Variants in DCT observed in about 807,000 individuals in gnomAD.
The protein encoded by DCT is dopachrome tautomerase.
In DCT, 47 loss-of-function variants were observed where a neutral mutation model predicts 53.0. The observed-to-expected ratio is 0.89, with a 90% CI of 0.70 to 1.13. The LOEUF is 1.13. Ranked by LOEUF, DCT falls within the 50% of genes most tolerant of loss-of-function variation. The pLI is 0.00. For synonymous variants in DCT, 244 were observed against 237.0 expected, an observed-to-expected ratio of 1.03 and a Z score of -0.27; for missense variants, 669 against 637.4, an observed-to-expected ratio of 1.05 and a Z score of -0.53.
At chr13:94,514,330 A>G in the DCT span, among the ~76,000 whole-genome samples, 5 of 152,192 alleles carry the variant, frequency 3.3e-5, no homozygotes, top group African/African-American at 1.2e-4. Context: ...GTGGGCATCA[A>G]TGGGGTTCAC....
chr13:94,492,732 T>G, the DCT span, among the ~76,000 whole-genome samples: 1 of 152,166 alleles, frequency 6.6e-6, no homozygotes, highest in African/African-American at 2.4e-5. Context: ...AACACAAAGA[T>G]GTACAGAAAA....
In DCT at chr13:94,438,897, G is replaced by A. The variant is rs1424243318; in HGVS notation, c.*1001C>T. The A allele has an allele frequency of 4.1e-6, 1 of 241,696 alleles. No homozygotes were observed. The highest frequency in any genetic ancestry group is 2.3e-5 in the African/African-American group (1 of 43,152). The allele number at this position is 241,696 out of a possible 1,614,324, so 15.0% of individuals were successfully genotyped here. A position where few individuals can be genotyped will look rare whatever the true frequency, so the allele number is the denominator to read the frequency against. ...ATCTAACATCAATGCTTAAAAATAA[G>A]CCCAGTGCATTATGTGGGAATAATT... On this transcript the variant is annotated 3_prime_UTR_variant, in exon 8 of 8. Transcript: ENST00000377028.
chr13:94,483,432 G>A (rs1435398593), upstream of DCT, among the ~76,000 whole-genome samples: 1 of 133,766 alleles, frequency 7.5e-6, no homozygotes, highest in African/African-American at 2.7e-5. Flanking sequence ...ATTTCCCACA[G>A]GCGTTTCTCC....
At chr13:94,442,306 TGTTTTTTTGG>T (rs1566795939) in intron 7 of DCT, among the ~76,000 whole-genome samples, 1 of 152,198 alleles carries the variant, frequency 6.6e-6, no homozygotes, top group Non-Finnish European at 1.5e-5. Flanking sequence ...GTTTTGTTTT[TGTTTTTTTGG>T]GTTTTTTTGA....
intron 4 of DCT, among the ~76,000 whole-genome samples, chr13:94,464,522 C>A (rs1884030571): frequency 6.6e-6 from 1 of 152,020 alleles, no homozygotes; most frequent in Admixed American, 6.6e-5. Context: ...TGCCTGTAAT[C>A]CCGGCTACTC....
intron 6 of DCT, among the ~76,000 whole-genome samples, chr13:94,447,142 G>A: frequency 6.6e-6 from 1 of 152,166 alleles, no homozygotes; most frequent in South Asian, 2.1e-4. Context: ...TTGAACCCAG[G>A]AAGTCTGGTT....
At chr13:94,516,519 A>AT in the DCT span, among the ~76,000 whole-genome samples, 2 of 152,162 alleles carry the variant, frequency 1.3e-5, no homozygotes, top group African/African-American at 4.8e-5. Flanking sequence ...TATGGTTTGG[A>AT]TATTTGTCCC....
In DCT at chr13:94,455,020, C is replaced by T. The variant is rs574821005; in HGVS notation, c.1179+5071G>A. On this transcript the variant is annotated intron_variant, in intron 6 of 7. Transcript: ENST00000377028. ...TTAAATGTCTTATATCTCTGAACCACGGGATTTCTCACCCATCAAGTCACA... is the reference window on the plus strand; with the variant it reads ...TTAAATGTCTTATATCTCTGAACCATGGGATTTCTCACCCATCAAGTCACA... Among the ~76,000 whole-genome samples the T allele has an allele frequency of 1.2e-4, 18 of 152,248 alleles. No homozygotes were observed. The South Asian group carries it at 1.9e-3, about 16-fold the overall frequency.
the DCT span, among the ~76,000 whole-genome samples, chr13:94,488,623 G>C: frequency 6.6e-6 from 1 of 151,876 alleles, no homozygotes; most frequent in African/African-American, 2.4e-5. Context: ...GCTGAGATGG[G>C]AGAATAGCTT....
chr13:94,475,834 A>G (rs1156757097), intron 1 of DCT, among the ~76,000 whole-genome samples: 2 of 152,268 alleles, frequency 1.3e-5, no homozygotes, highest in Non-Finnish European at 2.9e-5. Flanking sequence ...TGTTCTGTGT[A>G]ACAATTATGC....
At chr13:94,547,761 G>A in the DCT span, among the ~76,000 whole-genome samples, 1 of 151,506 alleles carries the variant, frequency 6.6e-6, no homozygotes, top group East Asian at 2.0e-4. Context: ...AGGCCAAGGC[G>A]GGTGGATTAC....
At chr13:94,490,912 A>T in the DCT span, among the ~76,000 whole-genome samples, 30 of 152,308 alleles carry the variant, frequency 2.0e-4, 1 homozygote, top group East Asian at 5.8e-3. Flanking sequence ...TGAATTCAGG[A>T]AAGTTACCTA....
At position 94,443,633 on chromosome 13, in the gene DCT, AG is replaced by A; in HGVS notation, c.1183del (p.Leu395PhefsTer13). The A allele has an allele frequency of 6.2e-7, 1 of 1,613,116 alleles. No homozygotes were observed. On this transcript the variant is annotated frameshift_variant, in exon 7 of 8. Coordinates refer to ENST00000377028, the MANE Select transcript of DCT (RefSeq NM_001922.5). LOFTEE classifies it high-confidence loss of function. ...AAAGATGGCATCAGTAAAGGAATGA[AG>A]AACCTGCAAAACAGTTGGACACAGC... ...SAANDPIFVV[L>X]HSFTDAIFDE...
intron 1 of DCT, among the ~76,000 whole-genome samples, chr13:94,471,787 T>G (rs1884663048): frequency 6.6e-6 from 1 of 152,162 alleles, no homozygotes; most frequent in Non-Finnish European, 1.5e-5. Context: ...GAGGTAAATG[T>G]CTAGTCACTT....
At chr13:94,455,081 T>C (rs186182788) in intron 6 of DCT, among the ~76,000 whole-genome samples, 5 of 152,246 alleles carry the variant, frequency 3.3e-5, no homozygotes, top group Non-Finnish European at 5.9e-5. Context: ...AGGAGAAATA[T>C]GACTAAAGGG....
chr13:94,483,101 C>T (rs1180238407), upstream of DCT, among the ~76,000 whole-genome samples: 2 of 151,716 alleles, frequency 1.3e-5, no homozygotes, highest in Admixed American at 1.3e-4. Flanking sequence ...TGGTGAAACC[C>T]CATCTCTACT....
At chr13:94,540,280 T>C in the DCT span, among the ~76,000 whole-genome samples, 1 of 152,196 alleles carries the variant, frequency 6.6e-6, no homozygotes, top group Non-Finnish European at 1.5e-5. Context: ...CACTAAGAGT[T>C]GCAGAAAGAG....
At chr13:94,491,594 T>G in the DCT span, among the ~76,000 whole-genome samples, 1 of 152,160 alleles carries the variant, frequency 6.6e-6, no homozygotes, top group South Asian at 2.1e-4. Context: ...AAATACTCAT[T>G]CTCTTTTTAC....
the DCT span, among the ~76,000 whole-genome samples, chr13:94,547,557 T>C: frequency 6.6e-6 from 1 of 152,090 alleles, no homozygotes; most frequent in Admixed American, 6.6e-5. Context: ...AGATTCACCA[T>C]CACTAACATT....
Sources: allele counts gnomAD v4.1 joint callset (sites outside exome capture counted in the v4.1 genomes callset), GRCh38; gene constraint gnomAD v4.1.1; transcripts MANE v1.5; gene names NCBI Gene and HGNC (gene_info 2026-07-23, HGNC 2026-07-21).